Variants in TET1 observed in about 807,000 individuals in gnomAD.
TET1 encodes the protein tet methylcytosine dioxygenase 1.
Under a neutral mutation model 148.7 loss-of-function variants are expected in TET1, and 13 were observed. The ratio of observed to expected loss-of-function variants is 0.09; its 90% CI spans 0.06 to 0.14. The LOEUF (loss-of-function observed/expected upper bound fraction) is 0.14. TET1 is among the 10% of genes least tolerant of loss of function. The pLI, the probability that TET1 is intolerant of heterozygous loss-of-function variation, is 1.00. For synonymous variants in TET1, 907 were observed against 937.2 expected (o/e 0.97, Z 0.59); for missense variants, 2,182 against 2,553.8 (o/e 0.85, Z 3.14).
chr10:68,692,963 A>G lies in TET1; in HGVS notation c.*1149A>G. 4.3e-6 allele frequency: 1 copy of G among 231,444 alleles called. No homozygotes were observed. Among genetic ancestry groups the G allele is most frequent in the Non-Finnish European group, 8.5e-6 (1 of 117,238 alleles). The allele number at this position is 231,444 out of a possible 1,614,324, so 14.3% of individuals were successfully genotyped here. A position where few individuals can be genotyped will look rare whatever the true frequency, so the allele number is the denominator to read the frequency against. On this transcript the variant is annotated 3_prime_UTR_variant, in exon 12 of 12. Coordinates refer to ENST00000373644, the MANE Select transcript of TET1 (RefSeq NM_030625.3). ...TTAGAAAAAAAAAATTCTTGTTGAA[A>G]TATTTTGAAAACAAATTCCCTACTA...
rs373476818 is a variant in TET1, at chr10:68,656,140, TATG to T, written c.4461+3551_4461+3553del. 4.1e-3 allele frequency among the ~76,000 whole-genome samples: 622 copies of T among 152,304 alleles called. 2 individuals carry two copies. Among genetic ancestry groups the T allele is most frequent in the African/African-American group, 0.014 (581 of 41,560 alleles). On this transcript the variant is annotated intron_variant, in intron 6 of 11. Transcript: ENST00000373644. ...CTCAGGGCTCCCACTGATTCTTTATTATGATGAGTTGTATAATTACTTTATTAT... is the reference window on the plus strand; with the variant it reads ...CTCAGGGCTCCCACTGATTCTTTATTATGAGTTGTATAATTACTTTATTAT...
At chr10:68,649,051 G>A (rs1385245375) in intron 4 of TET1, among the ~76,000 whole-genome samples, 1 of 152,218 alleles carries the variant, frequency 6.6e-6, no homozygotes, top group Non-Finnish European at 1.5e-5. Context: ...ATTAAGGAGA[G>A]AAGAAAGTAA....
intron 3 of TET1, among the ~76,000 whole-genome samples, chr10:68,638,116 G>A (rs2054682513): frequency 6.6e-6 from 1 of 152,092 alleles, no homozygotes. Context: ...TTAATTAAAT[G>A]GCCAGTGGTA....
chr10:68,664,659 G>A (rs1224027431), intron 6 of TET1, among the ~76,000 whole-genome samples: 8 of 125,442 alleles, frequency 6.4e-5, no homozygotes, highest in South Asian at 5.2e-4. Flanking sequence ...TGGGAGGTGC[G>A]CCCAGCCTGC....
intron 8 of TET1, chr10:68,674,716 G>C: frequency 2.1e-6 from 1 of 484,832 alleles, no homozygotes; most frequent in Non-Finnish European, 4.0e-6. Context: ...GTGCTTACTT[G>C]CTTCATGTGT....
chr10:68,669,030 C>A (rs2055232383), intron 7 of TET1, among the ~76,000 whole-genome samples: 1 of 151,740 alleles, frequency 6.6e-6, no homozygotes, highest in African/African-American at 2.4e-5. Context: ...CTGGCTCATG[C>A]CTGATCAAAG....
intron 2 of TET1, among the ~76,000 whole-genome samples, chr10:68,599,824 A>G (rs2054031660): frequency 6.6e-6 from 1 of 152,172 alleles, no homozygotes; most frequent in African/African-American, 2.4e-5. Flanking sequence ...GAGAAATTTT[A>G]TTTGGAAATG....
At chr10:68,579,773 T>C (rs2053770794) in intron 2 of TET1, among the ~76,000 whole-genome samples, 1 of 152,148 alleles carries the variant, frequency 6.6e-6, no homozygotes, top group South Asian at 2.1e-4. Context: ...TTCTGTCTTG[T>C]TTGCCTTCAT....
In TET1 at chr10:68,572,779, T is replaced by A. The variant is rs759310246; in HGVS notation, c.441T>A (p.Ala147=). The A allele has an allele frequency of 1.9e-6, 3 of 1,614,188 alleles. No individual in the cohort carries two copies. In the South Asian group the frequency reaches 3.3e-5, roughly 18 times the overall value. ...QHDCDYKILP[A]LGVKHSENDS... ...ATTGTGATTATAAGATACTCCCTGC[T>A]TTGGGAGTAAAGCACTCAGAAAATG... Residue 147 remains alanine, a synonymous_variant, in exon 2 of 12, where the codon GCT becomes GCA. Coordinates refer to ENST00000373644, the MANE Select transcript of TET1 (RefSeq NM_030625.3).
chr10:68,573,647 C>G lies in TET1; in HGVS notation c.1309C>G (p.Pro437Ala). 1 of 1,614,152 alleles carries G rather than the reference C, an allele frequency of 6.2e-7. No individual in the cohort carries two copies. The highest frequency in any genetic ancestry group is 8.5e-7 in the Non-Finnish European group (1 of 1,180,038). Residue 437 changes from proline (P) to alanine (A), a missense_variant, in exon 2 of 12, where the codon CCA becomes GCA. By Grantham distance (27) the Pro-to-Ala change is conservative. This residue lies in a region of TET1 where 665 missense variants were observed against 672.4 expected (regional missense o/e 0.99). Coordinates refer to ENST00000373644, the MANE Select transcript of TET1 (RefSeq NM_030625.3). ...CTTGCCTGTCTTCCTTCCTGTTCCT[C>G]CAAATCCAATTGCTACCTTTAATGC... ...PDLPVFLPVP[P>A]NPIATFNAPS...
At chr10:68,621,545 C>A (rs1429868916) in intron 3 of TET1, among the ~76,000 whole-genome samples, 1 of 152,136 alleles carries the variant, frequency 6.6e-6, no homozygotes, top group Admixed American at 6.6e-5. Context: ...CGCACCATTG[C>A]ACTCCAGCCT....
At chr10:68,657,792 G>A (rs199846203) in intron 6 of TET1, among the ~76,000 whole-genome samples, 1 of 152,090 alleles carries the variant, frequency 6.6e-6, no homozygotes, top group East Asian at 1.9e-4. Flanking sequence ...TTTAGGTAGA[G>A]GTTGAATGAA....
chr10:68,591,371 T>G (rs771223414), intron 2 of TET1, among the ~76,000 whole-genome samples: 1 of 152,202 alleles, frequency 6.6e-6, no homozygotes, highest in African/African-American at 2.4e-5. Flanking sequence ...CATTAAGCAG[T>G]GTCCTCGAAC....
intron 3 of TET1, among the ~76,000 whole-genome samples, chr10:68,623,811 A>C (rs780801307): frequency 5.9e-5 from 9 of 152,204 alleles, no homozygotes; most frequent in African/African-American, 9.6e-5. Context: ...ATGCCTAAGT[A>C]GCTCAAAGCG....
At chr10:68,626,089 C>CAAAA (rs768111191) in intron 3 of TET1, among the ~76,000 whole-genome samples, 697 of 33,590 alleles carry the variant, frequency 0.021, 19 homozygotes, top group African/African-American at 0.056. Context: ...GACCCTATCT[C>CAAAA]AAAAAAAAGA....
At chr10:68,656,951 A>G (rs958781137) in intron 6 of TET1, among the ~76,000 whole-genome samples, 18 of 151,544 alleles carry the variant, frequency 1.2e-4, no homozygotes, top group Admixed American at 1.1e-3. Context: ...ACTTGAACCC[A>G]GGAGGCGGAG....
At chr10:68,682,050 A>ATCTAACAT (rs1243088542) in intron 9 of TET1, among the ~76,000 whole-genome samples, 1 of 146,644 alleles carries the variant, frequency 6.8e-6, no homozygotes, top group East Asian at 2.0e-4. Context: ...CAGCATATCT[A>ATCTAACAT]TCTAACATAC....
chr10:68,624,650 TTCTTTCTTTCTCTCTCTCTC>T (rs1386606583), intron 3 of TET1, among the ~76,000 whole-genome samples: 13 of 57,078 alleles, frequency 2.3e-4, no homozygotes, highest in African/African-American at 6.4e-4. Context: ...CTTTCTTTCT[TTCTTTCTTTCTCTCTCTCTC>T]TCTCTCTCTC....
In TET1 at chr10:68,691,376, T is replaced by C. The variant is rs773207460; in HGVS notation, c.5973T>C (p.Asp1991=). Residue 1991 remains aspartate, a synonymous_variant, in exon 12 of 12, where the codon GAT becomes GAC. Coordinates refer to ENST00000373644, the MANE Select transcript of TET1 (RefSeq NM_030625.3). This position sits in a 1 kb window ranked among gnomAD's most constrained non-coding sequence, Gnocchi z 4.4. ...CTGAGGAGAAATTGCCCCACATTGA[T>C]GAGTATTGGTCAGACAGTGAGCACA... ...SPAEEKLPHI[D]EYWSDSEHIF... is the part of the protein sequence containing the mutation. 14 of 1,614,060 alleles carry C rather than the reference T, an allele frequency of 8.7e-6. No individual in the cohort carries two copies. The South Asian group carries it at 1.4e-4, about 16-fold the overall frequency.
Sources: gnomAD v4.1 joint callset for allele counts (sites outside exome capture counted in the v4.1 genomes callset) on GRCh38, gnomAD v4.1.1 for gene constraint, gnomAD v4.1.1 regional missense constraint, Gnocchi (gnomAD v3.1) non-coding constraint, MANE v1.5 for transcripts, NCBI Gene and HGNC (gene_info 2026-07-23, HGNC 2026-07-21) for gene names.